CELF2: variants seen among roughly 807,000 people sequenced by gnomAD.
CELF2 encodes CUGBP Elav-like family member 2, also known as CUG triplet repeat RNA-binding protein 2.
CELF2 carries 8 observed loss-of-function variants against 62.6 expected under a neutral mutation model. The observed-to-expected ratio is 0.13, with a 90% CI of 0.07 to 0.23. CELF2 has a LOEUF of 0.23. Ranked by LOEUF, CELF2 falls within the 10% of genes least tolerant of loss-of-function variation. CELF2 has a pLI of 1.00. For synonymous variants in CELF2, 258 were observed against 250.0 expected (o/e 1.03, Z -0.30); for missense variants, 333 against 671.0 (o/e 0.50, Z 5.56).
At chr10:11,154,893 G>C (rs1223261974) in intron 1 of CELF2, among the ~76,000 whole-genome samples, 1 of 152,156 alleles carries the variant, frequency 6.6e-6, no homozygotes, top group Non-Finnish European at 1.5e-5. Context: ...AACAATCACA[G>C]GTAGGGAAAA....
chr10:11,278,961 G>C (rs1226550822), intron 8 of CELF2, among the ~76,000 whole-genome samples: 1 of 152,190 alleles, frequency 6.6e-6, no homozygotes. Flanking sequence ...ACCCAGGCTG[G>C]CAAACCGTGC....
intron 1 of CELF2, among the ~76,000 whole-genome samples, chr10:11,057,643 C>A (rs1259348459): frequency 6.6e-6 from 1 of 152,150 alleles, no homozygotes; most frequent in Admixed American, 6.5e-5. Flanking sequence ...AGTATGTTTT[C>A]TCTTTTTTTC....
At chr10:11,044,225 C>A (rs765366546) in intron 1 of CELF2, among the ~76,000 whole-genome samples, 1 of 152,242 alleles carries the variant, frequency 6.6e-6, no homozygotes. Context: ...TATTTATTTG[C>A]TTTTGTGTTG....
At chr10:10,561,637 G>A in the CELF2 span, among the ~76,000 whole-genome samples, 1 of 152,178 alleles carries the variant, frequency 6.6e-6, no homozygotes, top group African/African-American at 2.4e-5. Context: ...GACAGATGGG[G>A]ACAACACCAC....
At chr10:11,134,781 C>T (rs1205957492) in intron 1 of CELF2, among the ~76,000 whole-genome samples, 1 of 152,126 alleles carries the variant, frequency 6.6e-6, no homozygotes, top group African/African-American at 2.4e-5. Context: ...ACCCGGGAAC[C>T]TACCCTCCCT....
At chr10:10,590,779 A>G in the CELF2 span, among the ~76,000 whole-genome samples, 9 of 152,208 alleles carry the variant, frequency 5.9e-5, no homozygotes, top group African/African-American at 2.2e-4. Flanking sequence ...GAAACTTTAT[A>G]AATTCTTCAA....
intron 1 of CELF2, among the ~76,000 whole-genome samples, chr10:11,047,455 T>A (rs943043148): frequency 5.3e-5 from 8 of 152,204 alleles, no homozygotes; most frequent in Non-Finnish European, 1.2e-4. Flanking sequence ...ATGGCTGTTG[T>A]GCATTGTGGG....
rs545546199 is a variant in CELF2, at chr10:10,971,348, G to C, written c.89+51349G>C. On this transcript the variant is annotated intron_variant, in intron 2 of 13. Coordinates refer to the CELF2 transcript ENST00000636488. ...TTCAGTGCCTCTGTTGAGCACGTAC[G>C]CTTCCACCTCAACCCCCCTCACCTT... Among the ~76,000 whole-genome samples, 9 of 152,232 alleles carry C rather than the reference G, an allele frequency of 5.9e-5. No homozygotes were observed. In the South Asian group the frequency reaches 1.9e-3, roughly 32 times the overall value.
rs77131976 is a variant in CELF2, at chr10:11,159,800, T to C, written c.75-5686T>C. 0.029 allele frequency among the ~76,000 whole-genome samples: 4,413 copies of C among 152,348 alleles called. 101 individuals are homozygous for C. The highest frequency in any genetic ancestry group is 0.039 in the Non-Finnish European group (2,651 of 68,034). ...TTTCCTGTAATAACCAAACAAAGCC[T>C]GTTTCTTCGTGTGCTATTACTTAAG... On this transcript the variant is annotated intron_variant, in intron 1 of 12. Coordinates refer to ENST00000633077, the MANE Select transcript of CELF2 (RefSeq NM_001326342.2). The surrounding 1 kb of genome is among the most constrained non-coding windows in gnomAD (Gnocchi z 5.0).
intron 1 of CELF2, among the ~76,000 whole-genome samples, chr10:11,135,299 C>T (rs115206924): frequency 2.0e-5 from 3 of 152,184 alleles, no homozygotes; most frequent in Non-Finnish European, 2.9e-5. Context: ...CTATATTAAC[C>T]TGCACACCTC....
chr10:11,176,182 T>G (rs1464000387), intron 2 of CELF2, among the ~76,000 whole-genome samples: 1 of 152,160 alleles, frequency 6.6e-6, no homozygotes, highest in Non-Finnish European at 1.5e-5. Context: ...CTCTTTCCCC[T>G]TTTTCCCCTT....
At chr10:10,626,873 C>T in the CELF2 span, among the ~76,000 whole-genome samples, 1 of 152,220 alleles carries the variant, frequency 6.6e-6, no homozygotes, top group African/African-American at 2.4e-5. Flanking sequence ...ACACTGACAA[C>T]ATTTCAAGTG....
intron 1 of CELF2, among the ~76,000 whole-genome samples, chr10:11,133,652 T>C (rs974665892): frequency 2.0e-5 from 3 of 152,356 alleles, no homozygotes; most frequent in East Asian, 3.9e-4. Flanking sequence ...TAATCCTCAG[T>C]ACAATCCAGT....
In CELF2 at chr10:11,257,578, C is replaced by T. The variant is rs757038406; in HGVS notation, c.404-160C>T. The T allele has an allele frequency of 5.7e-5, 37 of 647,980 alleles. No individual in the cohort carries two copies. In the Admixed American group the frequency reaches 6.8e-4, roughly 12 times the overall value. 40.1% of individuals were successfully genotyped at this position (647,980 alleles called of 1,614,324 possible). On this transcript the variant is annotated intron_variant, in intron 4 of 12. Coordinates refer to ENST00000633077, the MANE Select transcript of CELF2 (RefSeq NM_001326342.2). ...GGTGGGAGGGAGTGGCAGGGTGGGG[C>T]GCATGGAGGGAGGAGGACAGCTGGA...
In CELF2 at chr10:11,012,236, G is replaced by A. The variant is rs992436937; in HGVS notation, c.53+6796G>A. On this transcript the variant is annotated intron_variant, in intron 1 of 12. Coordinates refer to the CELF2 transcript ENST00000416382. This position sits in a 1 kb window ranked among gnomAD's most constrained non-coding sequence, Gnocchi z 5.5. ...AAGCAGTGCTTGCCCTAAAGATTCTGATCTGCATGTACTGGATCAGATATC... is the reference window on the plus strand; with the variant it reads ...AAGCAGTGCTTGCCCTAAAGATTCTAATCTGCATGTACTGGATCAGATATC... Among the ~76,000 whole-genome samples, 1 of 152,210 alleles carries A rather than the reference G, an allele frequency of 6.6e-6. No homozygotes were observed. Among genetic ancestry groups the A allele is most frequent in the African/African-American group, 2.4e-5 (1 of 41,442 alleles).
intron 9 of CELF2, among the ~76,000 whole-genome samples, chr10:11,293,873 A>G (rs1261238548): frequency 6.6e-6 from 1 of 152,124 alleles, no homozygotes; most frequent in Non-Finnish European, 1.5e-5. Flanking sequence ...TGTTCAGTCT[A>G]GTTTAGCGCA....
At chr10:11,323,545 C>T (rs1357976556) in intron 11 of CELF2, among the ~76,000 whole-genome samples, 2 of 152,074 alleles carry the variant, frequency 1.3e-5, no homozygotes, top group Non-Finnish European at 2.9e-5. Context: ...AAGTGAGCCT[C>T]TGATGGCCCG....
chr10:11,260,308 G>A lies in CELF2; in HGVS notation c.538+2436G>A, dbSNP rs1053846460. Among the ~76,000 whole-genome samples, 1 of 152,186 alleles carries A rather than the reference G, an allele frequency of 6.6e-6. No individual in the cohort carries two copies. The highest frequency in any genetic ancestry group is 2.4e-5 in the African/African-American group (1 of 41,444). On this transcript the variant is annotated intron_variant, in intron 5 of 12. Coordinates refer to ENST00000633077, the MANE Select transcript of CELF2 (RefSeq NM_001326342.2). The surrounding 1 kb of genome is among the most constrained non-coding windows in gnomAD (Gnocchi z 4.2). The stretch of plus-strand genomic sequence containing the variant: ...ATTTCTGCTCCCCGTCTGCTGGCCT[G>A]GCTGATCTAGGCAGTGACTCTCTGG...
the CELF2 span, among the ~76,000 whole-genome samples, chr10:10,497,350 A>G: frequency 6.6e-6 from 1 of 152,206 alleles, no homozygotes; most frequent in Admixed American, 6.5e-5. Context: ...AGAATCATGC[A>G]TTCAGTTCAT....
Sources: gnomAD v4.1 joint callset for allele counts (sites outside exome capture counted in the v4.1 genomes callset) on GRCh38, gnomAD v4.1.1 for gene constraint, Gnocchi (gnomAD v3.1) non-coding constraint, MANE v1.5 for transcripts, NCBI Gene and HGNC (gene_info 2026-07-23, HGNC 2026-07-21) for gene names.